PEX14: variants seen among roughly 807,000 people sequenced by gnomAD.
The protein encoded by PEX14 is peroxisomal membrane protein PEX14.
PEX14 carries 15 observed loss-of-function variants against 49.5 expected under a neutral mutation model. The ratio of observed to expected loss-of-function variants is 0.30; its 90% CI spans 0.20 to 0.47. The LOEUF (loss-of-function observed/expected upper bound fraction) is 0.47, where lower values mean the gene tolerates loss of function less well. Ranked by LOEUF, PEX14 falls within the 20% of genes least tolerant of loss-of-function variation. PEX14 has a pLI of 1.00. For synonymous variants in PEX14, 210 were observed against 212.7 expected (o/e 0.99, Z 0.11); for missense variants, 398 against 494.8 (o/e 0.80, Z 1.86).
intron 3 of PEX14, among the ~76,000 whole-genome samples, chr1:10,592,975 T>C (rs1640715142): frequency 6.6e-6 from 1 of 152,188 alleles, no homozygotes; most frequent in Admixed American, 6.5e-5. Context: ...TCTGTTGACA[T>C]TAGGAAAGCA....
At chr1:10,533,606 T>TC (rs1638711965) in intron 2 of PEX14, among the ~76,000 whole-genome samples, 1 of 152,204 alleles carries the variant, frequency 6.6e-6, no homozygotes, top group South Asian at 2.1e-4. Flanking sequence ...GACAGAGCAC[T>TC]CCATCATTCC....
intron 2 of PEX14, among the ~76,000 whole-genome samples, chr1:10,523,825 T>A (rs1638379581): frequency 1.5e-5 from 2 of 132,374 alleles, no homozygotes; most frequent in African/African-American, 2.9e-5. Context: ...TCCTTTTAGT[T>A]AAAAAAAAAA....
rs35046754 is a variant in PEX14, at chr1:10,624,365, C to G, written c.513C>G (p.Ala171=). 4 of 1,613,346 alleles carry G rather than the reference C, an allele frequency of 2.5e-6. No individual in the cohort carries two copies. Among genetic ancestry groups the G allele is most frequent in the African/African-American group, 1.3e-5 (1 of 75,040 alleles). The change falls in exon 7 of 9, where the codon GCC becomes GCG. Residue 171 remains alanine, a synonymous_variant. Coordinates refer to ENST00000356607, the MANE Select transcript of PEX14 (RefSeq NM_004565.3). ...TGACTCAGTTACAGACGACCCTCGC[C>G]TCCGTCCAGGAGCTGCTGATTCAGC... ...QTVTQLQTTL[A]SVQELLIQQQ... is the part of the protein sequence containing the mutation.
At chr1:10,621,314 T>G (rs1340457422) in intron 5 of PEX14, among the ~76,000 whole-genome samples, 1 of 151,814 alleles carries the variant, frequency 6.6e-6, no homozygotes, top group Non-Finnish European at 1.5e-5. Flanking sequence ...ATGGGGTGTT[T>G]AGTTGGTTAC....
chr1:10,528,152 C>T (rs1170163757), intron 2 of PEX14: 1 of 167,524 alleles, frequency 6.0e-6, no homozygotes, highest in Admixed American at 6.5e-5. Context: ...AGCTGGTGGT[C>T]ACCTATTCAG....
At chr1:10,516,420 G>A (rs576663737) in intron 2 of PEX14, among the ~76,000 whole-genome samples, 12 of 152,322 alleles carry the variant, frequency 7.9e-5, no homozygotes, top group South Asian at 4.1e-4. Flanking sequence ...TAGGTTTGCC[G>A]TGGGACCTTG....
intron 2 of PEX14, among the ~76,000 whole-genome samples, chr1:10,508,681 A>T (rs1238019674): frequency 6.6e-6 from 1 of 152,242 alleles, no homozygotes; most frequent in Non-Finnish European, 1.5e-5. Context: ...GGCTGGTTGC[A>T]GGCAGAACCA....
chr1:10,552,209 C>G (rs1052414865), intron 3 of PEX14, among the ~76,000 whole-genome samples: 2 of 152,106 alleles, frequency 1.3e-5, no homozygotes, highest in East Asian at 1.9e-4. Context: ...TTTGGGAGGC[C>G]GAGACGGGCA....
chr1:10,605,288 G>A (rs921841008), intron 4 of PEX14, among the ~76,000 whole-genome samples: 15 of 152,312 alleles, frequency 9.8e-5, no homozygotes, highest in Middle Eastern at 3.4e-3. Flanking sequence ...ACTGCTCTGG[G>A]CAAGCTATGG....
rs1641865343 is a variant in PEX14 at position 10,629,847 on chromosome 1, G to A, written c.994G>A (p.Asp332Asn). Residue 332 changes from aspartate (D) to asparagine (N), a missense_variant, in exon 9 of 9, where the codon GAT becomes AAT. This residue lies in a region of PEX14 where 140 missense variants were observed against 155.5 expected (regional missense o/e 0.90). Coordinates refer to ENST00000356607, the MANE Select transcript of PEX14 (RefSeq NM_004565.3). The surrounding 1 kb of genome is among the most constrained non-coding windows in gnomAD (Gnocchi z 8.5). ...DKEDEEDEED[D>N]DVSHVDEEDC... is the part of the protein sequence containing the mutation. ...GGAGGACGAGGAGGATGAGGAGGAT[G>A]ATGATGTGAGCCATGTGGACGAGGA... 1.9e-6 allele frequency: 3 copies of A among 1,609,600 alleles called. No homozygotes were observed. Among genetic ancestry groups the A allele is most frequent in the East Asian group, 4.5e-5 (2 of 44,774 alleles).
chr1:10,562,404 G>T (rs1440852683), intron 3 of PEX14, among the ~76,000 whole-genome samples: 3 of 152,154 alleles, frequency 2.0e-5, no homozygotes, highest in Admixed American at 1.3e-4. Flanking sequence ...ATCCATGATC[G>T]TGAGTTGCAT....
intron 3 of PEX14, among the ~76,000 whole-genome samples, chr1:10,593,565 T>C (rs17035390): frequency 0.037 from 5,676 of 152,188 alleles, 153 homozygotes; most frequent in South Asian, 0.15. Context: ...TTCAGGGTAG[T>C]GACATGTGGA....
At chr1:10,533,415 T>C (rs1050491676) in intron 2 of PEX14, among the ~76,000 whole-genome samples, 12 of 152,244 alleles carry the variant, frequency 7.9e-5, no homozygotes, top group African/African-American at 2.9e-4. Context: ...AAGTTTGAAG[T>C]GTGCCGGGAC....
At chr1:10,505,703 C>T (rs1231499604) in intron 2 of PEX14, among the ~76,000 whole-genome samples, 11 of 138,844 alleles carry the variant, frequency 7.9e-5, no homozygotes, top group Admixed American at 1.5e-4. Flanking sequence ...TTTTTTGAGA[C>T]GGAGTCTTGC....
intron 3 of PEX14, among the ~76,000 whole-genome samples, chr1:10,547,139 T>C (rs996959408): frequency 3.3e-5 from 5 of 152,156 alleles, no homozygotes; most frequent in African/African-American, 1.2e-4. Flanking sequence ...CTGCAAGTGT[T>C]GTGTGACACC....
intron 3 of PEX14, among the ~76,000 whole-genome samples, chr1:10,566,905 G>GT (rs1239927447): frequency 6.6e-6 from 1 of 151,950 alleles, no homozygotes; most frequent in South Asian, 2.1e-4. Flanking sequence ...TTCAAGTTCA[G>GT]TTTTTTCCAG....
intron 3 of PEX14, among the ~76,000 whole-genome samples, chr1:10,562,563 A>G (rs184790308): frequency 3.3e-5 from 5 of 152,200 alleles, no homozygotes; most frequent in Non-Finnish European, 7.4e-5. Context: ...TCATGACTAG[A>G]TTTCATTTGT....
At position 10,539,560 on chromosome 1, in the gene PEX14, TG is replaced by T. The variant is rs1433180474; in HGVS notation, c.169+3265del. Among the ~76,000 whole-genome samples, 1 of 135,496 alleles carries T rather than the reference TG, an allele frequency of 7.4e-6. No homozygotes were observed. Among genetic ancestry groups the T allele is most frequent in the East Asian group, 2.2e-4 (1 of 4,646 alleles). The allele number at this position is 135,496 out of a possible 152,430, so 88.9% of individuals were successfully genotyped here. ...GGAGTCAGCCACACATCAAGATAAT[TG>T]GACTGTGTGTGGGGTTTAAGCCCTC... On this transcript the variant is annotated intron_variant, in intron 3 of 8. Transcript: ENST00000356607. This position sits in a 1 kb window ranked among gnomAD's most constrained non-coding sequence, Gnocchi z 4.6.
At chr1:10,525,544 T>G (rs1285662347) in intron 2 of PEX14, among the ~76,000 whole-genome samples, 1 of 152,206 alleles carries the variant, frequency 6.6e-6, no homozygotes, top group Non-Finnish European at 1.5e-5. Flanking sequence ...GGTGAGGAAG[T>G]TGACTTTCCT....
Sources: gnomAD v4.1 joint callset for allele counts (sites outside exome capture counted in the v4.1 genomes callset) on GRCh38, gnomAD v4.1.1 for gene constraint, gnomAD v4.1.1 regional missense constraint, Gnocchi (gnomAD v3.1) non-coding constraint, MANE v1.5 for transcripts, NCBI Gene and HGNC (gene_info 2026-07-23, HGNC 2026-07-21) for gene names.